ANKRD55: variants seen among roughly 807,000 people sequenced by gnomAD.
ANKRD55 encodes ankyrin repeat domain-containing protein 55.
ANKRD55 carries 41 observed loss-of-function variants against 60.6 expected under a neutral mutation model. That is an observed-to-expected ratio of 0.68 (90% confidence interval 0.53 to 0.88). The LOEUF is 0.88. Among genes scored for constraint, ANKRD55 ranks in the 40% least tolerant of loss-of-function variants. The pLI, the probability that ANKRD55 is intolerant of heterozygous loss-of-function variation, is 0.00. For missense variants in ANKRD55, 732 were observed against 767.6 expected (o/e 0.95, Z 0.55); for synonymous variants, 264 against 290.3 (o/e 0.91, Z 0.92).
intron 2 of ANKRD55, among the ~76,000 whole-genome samples, chr5:56,216,475 A>AT (rs1759812542): frequency 6.6e-6 from 1 of 152,246 alleles, no homozygotes; most frequent in Non-Finnish European, 1.5e-5. Context: ...GATTAAGCTC[A>AT]ATGAGGAAGG....
chr5:56,209,615 C>A (rs535347657), intron 2 of ANKRD55, among the ~76,000 whole-genome samples: 54 of 152,040 alleles, frequency 3.6e-4, no homozygotes, highest in African/African-American at 1.3e-3. Context: ...TACAGGCGCC[C>A]GCCACCGCGC....
At chr5:56,154,183 A>G (rs1185377130) in intron 6 of ANKRD55, among the ~76,000 whole-genome samples, 3 of 135,188 alleles carry the variant, frequency 2.2e-5, no homozygotes, top group Non-Finnish European at 4.6e-5. Flanking sequence ...CCTGGGCAAC[A>G]GAGTAAGACT....
intron 2 of ANKRD55, among the ~76,000 whole-genome samples, chr5:56,204,727 A>T (rs889075461): frequency 6.6e-6 from 1 of 152,190 alleles, no homozygotes; most frequent in African/African-American, 2.4e-5. Flanking sequence ...ATGGACTAAT[A>T]CAGGTAGGTA....
Position 56,232,880 on chromosome 5 carries a change from GGGT to G in ANKRD55, c.31_33del (p.Thr11del). On this transcript the variant is annotated inframe_deletion, in exon 2 of 12. Transcript: ENST00000341048. ...CCTCTTTGCTGATCAAACACAGAAGGGGTGCTGAAATCCATGGTAGCCTGTCTC... is the reference window on the plus strand; with the variant it reads ...CCTCTTTGCTGATCAAACACAGAAGGGCTGAAATCCATGGTAGCCTGTCTC... The G allele has an allele frequency of 6.2e-7, 1 of 1,614,104 alleles. No homozygotes were observed. Among genetic ancestry groups the G allele is most frequent in the Non-Finnish European group, 8.5e-7 (1 of 1,180,018 alleles).
rs761675991 is a variant in ANKRD55, at chr5:56,111,769, G to C, written c.979C>G (p.Arg327Gly). ...LSQESRTEPT[R>G]PPPSQSSRPQ... is the part of the protein sequence containing the mutation. The stretch of plus-strand genomic sequence containing the variant: ...CGACTGCTCTGGGAGGGAGGGGGTC[G>C]AGTAGGCTCTGTTCTATGCGAATAT... The change falls in exon 10 of 12, where the codon CGA (arginine) becomes GGA (glycine). Residue 327 changes from arginine (R) to glycine (G), a missense_variant. Around this residue, in one of 3 missense-constraint regions of ANKRD55, gnomAD observed 597 missense variants for 607.5 expected, o/e 0.98. Coordinates refer to ENST00000341048, the MANE Select transcript of ANKRD55 (RefSeq NM_024669.3). 6.6e-7 allele frequency: 1 copy of C among 1,512,160 alleles called. No individual in the cohort carries two copies. Among genetic ancestry groups the C allele is most frequent in the East Asian group, 2.3e-5 (1 of 43,846 alleles). The allele number at this position is 1,512,160 out of a possible 1,614,324, so 93.7% of individuals were successfully genotyped here. A position where few individuals can be genotyped will look rare whatever the true frequency, so the allele number is the denominator to read the frequency against.
chr5:56,205,573 T>C (rs1296471996), intron 2 of ANKRD55, among the ~76,000 whole-genome samples: 3 of 152,166 alleles, frequency 2.0e-5, no homozygotes, highest in South Asian at 2.1e-4. Context: ...GAGTAGAAGG[T>C]TGATCTCTAA....
intron 3 of ANKRD55, among the ~76,000 whole-genome samples, chr5:56,179,194 T>C (rs976363945): frequency 6.6e-6 from 1 of 152,188 alleles, no homozygotes; most frequent in African/African-American, 2.4e-5. Context: ...ATAGAGCAAT[T>C]AAAATGTCTG....
chr5:56,222,870 C>T (rs560447287), intron 2 of ANKRD55, among the ~76,000 whole-genome samples: 2,045 of 152,250 alleles, frequency 0.013, 52 homozygotes, highest in African/African-American at 0.047. Flanking sequence ...ACCAAATCTA[C>T]GTCTGATTGG....
At chr5:56,103,499 G>A (rs1051411050) in intron 10 of ANKRD55, among the ~76,000 whole-genome samples, 2 of 152,220 alleles carry the variant, frequency 1.3e-5, no homozygotes, top group Non-Finnish European at 2.9e-5. Context: ...ATGAATAGGA[G>A]CTTGGTTGGG....
chr5:56,170,774 G>A lies in ANKRD55; in HGVS notation c.342C>T (p.Leu114=). Residue 114 remains leucine, a synonymous_variant, in exon 5 of 12, where the codon CTC becomes CTT. Transcript: ENST00000341048. ...GGATATTGTGCTTGGCACCGTTTCT[G>A]AGTAGACTCACACAGCCTTCAAGCC... ...LGWLEGCVSL[L]RNGAKHNIPD... 6.2e-7 allele frequency: 1 copy of A among 1,614,122 alleles called. No individual in the cohort carries two copies. The highest frequency in any genetic ancestry group is 8.5e-7 in the Non-Finnish European group (1 of 1,180,000).
chr5:56,102,819 T>C (rs1262192705), intron 10 of ANKRD55, among the ~76,000 whole-genome samples: 1 of 151,898 alleles, frequency 6.6e-6, no homozygotes, highest in Non-Finnish European at 1.5e-5. Context: ...CTAGTTTAAA[T>C]AAAATTTTAT....
intron 2 of ANKRD55, among the ~76,000 whole-genome samples, chr5:56,210,064 G>A (rs965407450): frequency 2.0e-5 from 3 of 151,888 alleles, no homozygotes; most frequent in East Asian, 3.9e-4. Flanking sequence ...CTGGAGTGCC[G>A]TGGCACAATC....
chr5:56,139,659 G>A (rs781069326), intron 7 of ANKRD55, among the ~76,000 whole-genome samples: 1 of 152,188 alleles, frequency 6.6e-6, no homozygotes, highest in Non-Finnish European at 1.5e-5. Flanking sequence ...AAGATTACGT[G>A]AGCTTGAGAG....
intron 7 of ANKRD55, chr5:56,137,043 T>A: frequency 1.3e-6 from 1 of 767,040 alleles, no homozygotes; most frequent in Non-Finnish European, 2.4e-6. Flanking sequence ...GGTTCAAGTC[T>A]TCGTGTTCAC....
intron 10 of ANKRD55, among the ~76,000 whole-genome samples, chr5:56,106,961 A>G (rs1756500469): frequency 6.7e-6 from 1 of 149,966 alleles, no homozygotes; most frequent in African/African-American, 2.5e-5. Flanking sequence ...GAAGTGAGCT[A>G]TGATCAAGCC....
rs1169752919 is a variant in ANKRD55 at position 56,111,183 on chromosome 5, A to G, written c.1565T>C (p.Val522Ala). The G allele has an allele frequency of 6.2e-7, 1 of 1,614,102 alleles. No individual in the cohort carries two copies. The highest frequency in any genetic ancestry group is 1.3e-5 in the African/African-American group (1 of 74,928). Reference sequence around the variant, plus strand: ...GGAGACCTCTTGGTGACCAGGCCGGACACTGAGCAATCTGTCCAGCAGCTT... The same window carrying G: ...GGAGACCTCTTGGTGACCAGGCCGGGCACTGAGCAATCTGTCCAGCAGCTT... ...SDKLLDRLLSVRPGHQEVSVP... is the reference protein window; with the variant it reads ...SDKLLDRLLSARPGHQEVSVP... Residue 522 changes from valine (V) to alanine (A), a missense_variant, in exon 10 of 12, where the codon GTC becomes GCC. Transcript: ENST00000341048.
Position 56,144,015 on chromosome 5 carries a change from G to C in ANKRD55, c.484-86C>G, listed in dbSNP as rs900390767. The C allele has an allele frequency of 3.8e-6, 6 of 1,571,500 alleles. No individual in the cohort carries two copies. The African/African-American group carries it at 6.8e-5, about 18-fold the overall frequency. On this transcript the variant is annotated intron_variant, in intron 6 of 11. Coordinates refer to ENST00000341048, the MANE Select transcript of ANKRD55 (RefSeq NM_024669.3). Reference sequence around the variant, plus strand: ...GCTCACACTTTCTCCTCAGGCCTGGGGGCCATCACCAGATGCGTTGGTTGT... The same window carrying C: ...GCTCACACTTTCTCCTCAGGCCTGGCGGCCATCACCAGATGCGTTGGTTGT...
Position 56,100,026 on chromosome 5 carries a change from A to T in ANKRD55, c.*157T>A. 1.0e-6 allele frequency: 1 copy of T among 957,988 alleles called. No homozygotes were observed. Among genetic ancestry groups the T allele is most frequent in the Non-Finnish European group, 1.6e-6 (1 of 637,952 alleles). 59.3% of individuals were successfully genotyped at this position (957,988 alleles called of 1,614,324 possible). A position where few individuals can be genotyped will look rare whatever the true frequency, so the allele number is the denominator to read the frequency against. ...TATTCTAAGTGCTTATTTAGGGAGT[A>T]TCTTTATTTGGAATAAAGAATTTCG... On this transcript the variant is annotated 3_prime_UTR_variant, in exon 12 of 12. Transcript: ENST00000341048.
intron 2 of ANKRD55, among the ~76,000 whole-genome samples, chr5:56,213,528 A>AT (rs1423311296): frequency 6.6e-6 from 1 of 152,114 alleles, no homozygotes; most frequent in Non-Finnish European, 1.5e-5. Context: ...GAAAAAAAAA[A>AT]CAATATTGAG....
Sources: allele counts gnomAD v4.1 joint callset (sites outside exome capture counted in the v4.1 genomes callset), GRCh38; gene constraint gnomAD v4.1.1; regional missense constraint gnomAD v4.1.1; transcripts MANE v1.5; gene names NCBI Gene and HGNC (gene_info 2026-07-23, HGNC 2026-07-21).